KLF13: variants seen among roughly 807,000 people sequenced by gnomAD.
KLF13 encodes the protein KLF transcription factor 13, also known as Krueppel-like factor 13.
A neutral mutation model predicts 16.7 loss-of-function variants in KLF13; 8 were observed. The observed-to-expected ratio is 0.48, with a 90% CI of 0.28 to 0.87. The LOEUF (loss-of-function observed/expected upper bound fraction) is 0.87. Ranked by LOEUF, KLF13 falls within the 40% of genes least tolerant of loss-of-function variation. The probability of loss-of-function intolerance (pLI) is 0.10; values close to 1 mark genes in which losing one functional copy is unlikely to be tolerated. For missense variants in KLF13, 447 were observed against 452.2 expected, an observed-to-expected ratio of 0.99 and a Z score of 0.10; for synonymous variants, 245 against 208.4, an observed-to-expected ratio of 1.18 and a Z score of -1.51.
rs922731588 is a variant in KLF13 at position 31,372,451 on chromosome 15, CA to C, written c.*160del. 3.1e-5 allele frequency: 27 copies of C among 863,820 alleles called. No homozygotes were observed. The highest frequency in any genetic ancestry group is 6.0e-5 in the East Asian group (2 of 33,276). The allele number at this position is 863,820 out of a possible 1,614,324, so 53.5% of individuals were successfully genotyped here. A position where few individuals can be genotyped will look rare whatever the true frequency, so the allele number is the denominator to read the frequency against. ...TGTCAAAGTAAATTTGTTAAAAAAA[CA>C]AAAAAAACACAAAAATTTCAAAAAA... is the stretch of plus-strand genomic sequence containing the variant. On this transcript the variant is annotated 3_prime_UTR_variant, in exon 2 of 2. Coordinates refer to ENST00000307145, the MANE Select transcript of KLF13 (RefSeq NM_015995.4).
chr15:31,360,273 G>C (rs186556954), intron 1 of KLF13, among the ~76,000 whole-genome samples: 2 of 152,204 alleles, frequency 1.3e-5, no homozygotes, highest in Admixed American at 1.3e-4. Flanking sequence ...GACATGCAGC[G>C]GGCAGGCCTG....
At chr15:31,340,160 G>A (rs2038998054) in intron 1 of KLF13, among the ~76,000 whole-genome samples, 1 of 152,240 alleles carries the variant, frequency 6.6e-6, no homozygotes, top group Non-Finnish European at 1.5e-5. Flanking sequence ...ACTGAGGCAG[G>A]CTGAGGATGT....
upstream of KLF13, among the ~76,000 whole-genome samples, chr15:31,389,681 A>C (rs1366583315): frequency 6.6e-6 from 1 of 152,146 alleles, no homozygotes; most frequent in African/African-American, 2.4e-5. Context: ...AGGTCCCACA[A>C]CACCATCCTC....
intron 1 of KLF13, among the ~76,000 whole-genome samples, chr15:31,415,478 A>T (rs2040244412): frequency 6.6e-6 from 1 of 152,226 alleles, no homozygotes; most frequent in South Asian, 2.1e-4. Context: ...AATTTATAGC[A>T]GGAAAATAAT....
intron 1 of KLF13, among the ~76,000 whole-genome samples, chr15:31,346,596 T>C (rs1307110231): frequency 6.6e-6 from 1 of 152,230 alleles, no homozygotes; most frequent in Non-Finnish European, 1.5e-5. Flanking sequence ...TCTCAGGACA[T>C]GAGGCGTCCC....
At chr15:31,349,374 C>T (rs992260063) in intron 1 of KLF13, among the ~76,000 whole-genome samples, 10 of 152,236 alleles carry the variant, frequency 6.6e-5, no homozygotes, top group African/African-American at 2.4e-4. Context: ...GACCAATGCC[C>T]GCTGGGCCAC....
At chr15:31,336,616 G>A (rs1415836449) in intron 1 of KLF13, among the ~76,000 whole-genome samples, 1 of 152,284 alleles carries the variant, frequency 6.6e-6, no homozygotes, top group East Asian at 1.9e-4. Flanking sequence ...TAGGGGTATT[G>A]GTAGAAGTTA....
chr15:31,353,554 G>A lies in KLF13; in HGVS notation c.578-18456G>A, dbSNP rs139191893. The stretch of plus-strand genomic sequence containing the variant: ...CCCTTTATTGCTATAAAACCACTTC[G>A]GGGCTGCAGAGAACAAGCTGTTGTC... On this transcript the variant is annotated intron_variant, in intron 1 of 1. Coordinates refer to ENST00000307145, the MANE Select transcript of KLF13 (RefSeq NM_015995.4). Among the ~76,000 whole-genome samples, 926 of 152,332 alleles carry A rather than the reference G, an allele frequency of 6.1e-3. 6 individuals carry two copies. Among genetic ancestry groups the A allele is most frequent in the African/African-American group, 0.021 (885 of 41,566 alleles).
chr15:31,405,603 G>A (rs1157024664), downstream of KLF13, among the ~76,000 whole-genome samples: 2 of 152,226 alleles, frequency 1.3e-5, no homozygotes, highest in South Asian at 2.1e-4. Context: ...GTTAGTATAT[G>A]CTGGAGTAAA....
downstream of KLF13, among the ~76,000 whole-genome samples, chr15:31,379,392 C>T (rs1440861996): frequency 1.3e-5 from 2 of 151,990 alleles, no homozygotes; most frequent in Non-Finnish European, 1.5e-5. Flanking sequence ...AGGGTGGATC[C>T]GCTTCCATAA....
At chr15:31,390,728 A>G (rs1377183409), upstream of KLF13, among the ~76,000 whole-genome samples, 1 of 151,704 alleles carries the variant, frequency 6.6e-6, no homozygotes, top group Non-Finnish European at 1.5e-5. Context: ...CTCCCTCTAC[A>G]TTCTTTTCTT....
At chr15:31,411,763 T>C (rs2040197247) in intron 1 of KLF13, among the ~76,000 whole-genome samples, 1 of 152,084 alleles carries the variant, frequency 6.6e-6, no homozygotes, top group Admixed American at 6.5e-5. Flanking sequence ...AAGAGTACTT[T>C]ACAGTATTCA....
downstream of KLF13, among the ~76,000 whole-genome samples, chr15:31,382,607 T>C (rs964192323): frequency 4.6e-5 from 7 of 152,200 alleles, no homozygotes; most frequent in African/African-American, 1.7e-4. Flanking sequence ...GCCTGAACAC[T>C]GGCCAGTGTG....
At chr15:31,365,946 G>A (rs765162926) in intron 1 of KLF13, among the ~76,000 whole-genome samples, 11 of 133,118 alleles carry the variant, frequency 8.3e-5, no homozygotes, top group Non-Finnish European at 1.4e-4. Flanking sequence ...TGCGGCTTGG[G>A]CAAGAGCAGC....
intron 1 of KLF13, among the ~76,000 whole-genome samples, chr15:31,424,343 C>T (rs1045285695): frequency 6.6e-6 from 1 of 152,156 alleles, no homozygotes; most frequent in East Asian, 1.9e-4. Flanking sequence ...AAACCAAATT[C>T]GATGACACAT....
In KLF13 at chr15:31,342,951, G is replaced by A. The variant is rs117681749; in HGVS notation, c.577+15162G>A. Reference sequence around the variant, plus strand: ...AGAGCATGGCCTTCCTCGCTCTCCCGGCGTCTGATTGCTCCGTGGACACTT... The same window carrying A: ...AGAGCATGGCCTTCCTCGCTCTCCCAGCGTCTGATTGCTCCGTGGACACTT... On this transcript the variant is annotated intron_variant, in intron 1 of 1. Coordinates refer to ENST00000307145, the MANE Select transcript of KLF13 (RefSeq NM_015995.4). 3.1e-3 allele frequency among the ~76,000 whole-genome samples: 475 copies of A among 152,338 alleles called. 4 individuals are homozygous for A. Among genetic ancestry groups the A allele is most frequent in the South Asian group, 8.5e-3 (41 of 4,816 alleles).
chr15:31,390,305 G>C (rs1048567318), upstream of KLF13, among the ~76,000 whole-genome samples: 30 of 152,144 alleles, frequency 2.0e-4, no homozygotes, highest in Admixed American at 5.9e-4. Context: ...ACATCCTCAA[G>C]TAACTATCCA....
At chr15:31,344,038 A>G (rs546828070) in intron 1 of KLF13, among the ~76,000 whole-genome samples, 1 of 152,246 alleles carries the variant, frequency 6.6e-6, no homozygotes, top group African/African-American at 2.4e-5. Flanking sequence ...CTGTGCACAA[A>G]TGGCCTGGCT....
At chr15:31,388,605 CAAA>C (rs5811640), upstream of KLF13, among the ~76,000 whole-genome samples, 13 of 92,358 alleles carry the variant, frequency 1.4e-4, no homozygotes, top group South Asian at 3.9e-4. Flanking sequence ...AACTCTGTCT[CAAA>C]AAAAAAAAAA....
Sources: gnomAD v4.1 joint callset for allele counts (sites outside exome capture counted in the v4.1 genomes callset) on GRCh38, gnomAD v4.1.1 for gene constraint, MANE v1.5 for transcripts, NCBI Gene and HGNC (gene_info 2026-07-23, HGNC 2026-07-21) for gene names.